NKAIN2: variants seen among roughly 807,000 people sequenced by gnomAD.
NKAIN2 encodes sodium/potassium-transporting ATPase subunit beta-1-interacting protein 2.
In NKAIN2, 14 loss-of-function variants were observed where a neutral mutation model predicts 32.6. That is an observed-to-expected ratio of 0.43 (90% CI 0.28 to 0.67). The LOEUF is 0.67. Among genes scored for constraint, NKAIN2 ranks in the 30% least tolerant of loss-of-function variants. The probability of loss-of-function intolerance (pLI) is 0.17; values close to 1 mark genes in which losing one functional copy is unlikely to be tolerated. For synonymous variants in NKAIN2, 80 were observed against 87.2 expected, an observed-to-expected ratio of 0.92 and a Z score of 0.46; for missense variants, 198 against 258.3, an observed-to-expected ratio of 0.77 and a Z score of 1.60.
In NKAIN2 at chr6:123,836,905, C is replaced by T. The variant is rs1490353; in HGVS notation, c.54+32651C>T. On this transcript the variant is annotated intron_variant, in intron 1 of 6. Transcript: ENST00000368417. ...ATGAGTACCTCAAAACACTCCTCTCCGACTTATTTCTCATTCCCCACAAAC... is the reference window on the plus strand; with the variant it reads ...ATGAGTACCTCAAAACACTCCTCTCTGACTTATTTCTCATTCCCCACAAAC... Among the ~76,000 whole-genome samples the T allele has an allele frequency of 5.7e-3, 862 of 152,100 alleles. 6 individuals are homozygous for T. Among genetic ancestry groups the T allele is most frequent in the Non-Finnish European group, 1.0e-2 (678 of 67,948 alleles).
intron 1 of NKAIN2, among the ~76,000 whole-genome samples, chr6:124,070,142 A>G (rs1369970541): frequency 6.6e-6 from 1 of 152,106 alleles, no homozygotes; most frequent in African/African-American, 2.4e-5. Flanking sequence ...CATCTATAGC[A>G]GTCACTGCTA....
intron 3 of NKAIN2, among the ~76,000 whole-genome samples, chr6:124,392,479 A>G (rs947340438): frequency 4.6e-5 from 7 of 152,144 alleles, no homozygotes; most frequent in African/African-American, 1.7e-4. Context: ...GATTAATTCT[A>G]GAAATATCAG....
At chr6:124,522,910 G>A (rs1172540323) in intron 3 of NKAIN2, among the ~76,000 whole-genome samples, 3 of 151,688 alleles carry the variant, frequency 2.0e-5, no homozygotes, top group Non-Finnish European at 4.4e-5. Context: ...TTGGGAGGCC[G>A]AGGCGGGCGG....
intron 4 of NKAIN2, among the ~76,000 whole-genome samples, chr6:124,670,694 T>A (rs1773058470): frequency 7.3e-6 from 1 of 136,948 alleles, no homozygotes; most frequent in Non-Finnish European, 1.6e-5. Context: ...ATAATAGATT[T>A]TTTCTTTTAT....
intron 3 of NKAIN2, among the ~76,000 whole-genome samples, chr6:124,481,438 A>G (rs1423414033): frequency 6.6e-6 from 1 of 152,056 alleles, no homozygotes; most frequent in Non-Finnish European, 1.5e-5. Flanking sequence ...TCAGTTAAGA[A>G]TAGTCTAAGA....
intron 3 of NKAIN2, among the ~76,000 whole-genome samples, chr6:124,625,787 A>G (rs1783302595): frequency 1.3e-5 from 2 of 152,014 alleles, no homozygotes; most frequent in South Asian, 2.1e-4. Flanking sequence ...AGAGAACAGT[A>G]TGGTTAAATA....
chr6:124,483,085 G>A (rs1185201811), intron 3 of NKAIN2, among the ~76,000 whole-genome samples: 1 of 152,020 alleles, frequency 6.6e-6, no homozygotes, highest in Non-Finnish European at 1.5e-5. Context: ...TCGTGCCACT[G>A]CACTCCAGCC....
At chr6:124,726,760 A>T (rs1233597532) in intron 4 of NKAIN2, among the ~76,000 whole-genome samples, 1 of 143,690 alleles carries the variant, frequency 7.0e-6, no homozygotes, top group Non-Finnish European at 1.5e-5. Context: ...AATTACTCTG[A>T]GCTATGGGAG....
chr6:124,128,544 C>T (rs1786299596), intron 1 of NKAIN2, among the ~76,000 whole-genome samples: 1 of 152,038 alleles, frequency 6.6e-6, no homozygotes, highest in Non-Finnish European at 1.5e-5. Context: ...ATAATAATCA[C>T]AAGGATTAAG....
chr6:124,074,619 C>T (rs1385291198), intron 1 of NKAIN2, among the ~76,000 whole-genome samples: 1 of 152,148 alleles, frequency 6.6e-6, no homozygotes, highest in African/African-American at 2.4e-5. Flanking sequence ...TTCTCTGGTT[C>T]CAACCATACT....
chr6:124,081,371 T>C (rs1562346994), intron 1 of NKAIN2, among the ~76,000 whole-genome samples: 1 of 152,134 alleles, frequency 6.6e-6, no homozygotes, highest in East Asian at 1.9e-4. Context: ...AATAAGGTTA[T>C]ATTACTAGTT....
At chr6:124,589,225 G>A (rs1781820647) in intron 3 of NKAIN2, among the ~76,000 whole-genome samples, 1 of 152,274 alleles carries the variant, frequency 6.6e-6, no homozygotes, top group South Asian at 2.1e-4. Flanking sequence ...CTTGTTAAAG[G>A]AGTACACTGA....
chr6:124,733,909 A>C (rs1347040072), intron 4 of NKAIN2, among the ~76,000 whole-genome samples: 1 of 151,814 alleles, frequency 6.6e-6, no homozygotes, highest in African/African-American at 2.4e-5. Context: ...ATGACACCTC[A>C]GTAGCAATGG....
intron 1 of NKAIN2, among the ~76,000 whole-genome samples, chr6:123,843,711 C>G (rs1302597647): frequency 6.6e-6 from 1 of 151,988 alleles, no homozygotes; most frequent in African/African-American, 2.4e-5. Context: ...ATTATTGAAA[C>G]TTATATAGGA....
intron 3 of NKAIN2, among the ~76,000 whole-genome samples, chr6:124,379,980 G>A (rs1324533495): frequency 2.6e-5 from 4 of 152,132 alleles, no homozygotes; most frequent in Non-Finnish European, 5.9e-5. Flanking sequence ...CACTAGAAGG[G>A]AGGGAGACTT....
chr6:123,841,373 G>A (rs1427513323), intron 1 of NKAIN2, among the ~76,000 whole-genome samples: 1 of 152,172 alleles, frequency 6.6e-6, no homozygotes, highest in Non-Finnish European at 1.5e-5. Context: ...AGATGTCAGA[G>A]TATAGTATAT....
At chr6:124,192,868 G>A (rs1790096686) in intron 1 of NKAIN2, among the ~76,000 whole-genome samples, 1 of 147,936 alleles carries the variant, frequency 6.8e-6, no homozygotes, top group Non-Finnish European at 1.5e-5. Flanking sequence ...TCCTGCCTCA[G>A]CCTCCCGAGT....
intron 3 of NKAIN2, among the ~76,000 whole-genome samples, chr6:124,544,904 T>C (rs1187611127): frequency 6.6e-6 from 1 of 152,142 alleles, no homozygotes; most frequent in Non-Finnish European, 1.5e-5. Context: ...TGAAGGTAAA[T>C]ATAATTTGAT....
intron 3 of NKAIN2, among the ~76,000 whole-genome samples, chr6:124,445,504 T>C (rs1775851793): frequency 6.6e-6 from 1 of 152,030 alleles, no homozygotes; most frequent in Non-Finnish European, 1.5e-5. Context: ...CAAAAAAAAT[T>C]CAAAATAATC....
Sources: gnomAD v4.1 joint callset for allele counts (sites outside exome capture counted in the v4.1 genomes callset) on GRCh38, gnomAD v4.1.1 for gene constraint, MANE v1.5 for transcripts, NCBI Gene and HGNC (gene_info 2026-07-23, HGNC 2026-07-21) for gene names.